COL6A5: variants seen among roughly 807,000 people sequenced by gnomAD.
COL6A5 encodes collagen alpha-5(VI) chain.
In COL6A5, 48 loss-of-function variants were observed where a neutral mutation model predicts 65.6. The ratio of observed to expected loss-of-function variants is 0.73; its 90% CI spans 0.58 to 0.93. The LOEUF is 0.93. COL6A5 is among the 40% of genes least tolerant of loss of function. The pLI, the probability that COL6A5 is intolerant of heterozygous loss-of-function variation, is 0.00. For missense variants in COL6A5, 914 were observed against 928.3 expected (o/e 0.98, Z 0.20); for synonymous variants, 291 against 322.8 (o/e 0.90, Z 1.05).
rs138864214 is a variant in COL6A5 at position 130,406,713 on chromosome 3, G to C, written c.4479+392G>C. On this transcript the variant is annotated intron_variant and NMD_transcript_variant, in intron 17 of 41. Transcript: ENST00000312481. ...CAAGAGAAAGAGACAAAATTATTTTGGTGGCTTTGGTAGCAAATCACTGTG... is the reference window on the plus strand; with the variant it reads ...CAAGAGAAAGAGACAAAATTATTTTCGTGGCTTTGGTAGCAAATCACTGTG... Among the ~76,000 whole-genome samples, 149 of 151,070 alleles carry C rather than the reference G, an allele frequency of 9.9e-4. 1 individual carries two copies. The highest frequency in any genetic ancestry group is 3.6e-3 in the African/African-American group (147 of 41,274).
At chr3:130,376,347 C>T in exon 3 of COL6A5, 1 of 1,613,770 alleles carries the variant, frequency 6.2e-7, no homozygotes, top group Non-Finnish European at 8.5e-7. Flanking sequence ...GATCAACAGT[C>T]TCCCCATAGA....
chr3:130,437,002 T>G (rs1709049896), intron 1 of COL6A5, among the ~76,000 whole-genome samples: 1 of 152,138 alleles, frequency 6.6e-6, no homozygotes, highest in African/African-American at 2.4e-5. Context: ...TGTTTCAAAC[T>G]TAACCACATC....
At chr3:130,416,647 G>A in intron 23 of COL6A5, 110 bp from the exon 24 acceptor site, 1 of 693,944 alleles carries the variant, frequency 1.4e-6, no homozygotes. Context: ...TTTTGTTAAG[G>A]CTGCATCAAG....
At position 130,452,876 on chromosome 3, in the gene COL6A5, A is replaced by G. The variant is rs182157272; in HGVS notation, c.1333-2579A>G. ...ATTTTAGAGGCCCACCCTCAGGGGCACATTCTCTTTCTCAGGGATGTTCCT... is the reference window on the plus strand; with the variant it reads ...ATTTTAGAGGCCCACCCTCAGGGGCGCATTCTCTTTCTCAGGGATGTTCCT... On this transcript the variant is annotated intron_variant, in intron 4 of 7. Transcript: ENST00000512836. 2.6e-3 allele frequency among the ~76,000 whole-genome samples: 399 copies of G among 152,252 alleles called. 3 individuals carry two copies. The highest frequency in any genetic ancestry group is 8.7e-3 in the African/African-American group (361 of 41,570).
intron 5 of COL6A5, among the ~76,000 whole-genome samples, chr3:130,385,993 T>G (rs1936172670): frequency 6.6e-6 from 1 of 152,084 alleles, no homozygotes; most frequent in African/African-American, 2.4e-5. Flanking sequence ...AATTAGAGAT[T>G]AAGTACCAAA....
chr3:130,390,613 C>G (rs561795126), intron 6 of COL6A5, among the ~76,000 whole-genome samples: 2 of 152,234 alleles, frequency 1.3e-5, no homozygotes, highest in African/African-American at 2.4e-5. Flanking sequence ...GGGGCCACTT[C>G]TTTCTGAGTT....
chr3:130,357,912 G>A (rs1297350840), intron 1 of COL6A5, among the ~76,000 whole-genome samples: 3 of 152,080 alleles, frequency 2.0e-5, no homozygotes, highest in Admixed American at 6.5e-5. Flanking sequence ...TTAACTGGCC[G>A]AGCATGGTGG....
At chr3:130,464,851 G>A (rs1709777074) in intron 5 of COL6A5, among the ~76,000 whole-genome samples, 2 of 152,038 alleles carry the variant, frequency 1.3e-5, no homozygotes, top group Admixed American at 6.6e-5. Flanking sequence ...ATAAATGTAT[G>A]TATTGATAAA....
intron 25 of COL6A5, among the ~76,000 whole-genome samples, chr3:130,420,002 G>C (rs1937479468): frequency 6.6e-6 from 1 of 152,070 alleles, no homozygotes. Context: ...ACAATCCATT[G>C]CCTCCATAAA....
chr3:130,370,889 A>G (rs1026034670), intron 1 of COL6A5, among the ~76,000 whole-genome samples: 1 of 152,150 alleles, frequency 6.6e-6, no homozygotes, highest in African/African-American at 2.4e-5. Flanking sequence ...AAAGAATGGG[A>G]GCAGAGCTAA....
intron 1 of COL6A5, among the ~76,000 whole-genome samples, chr3:130,435,949 G>A (rs1458959200): frequency 6.6e-6 from 1 of 152,050 alleles, no homozygotes; most frequent in Non-Finnish European, 1.5e-5. Context: ...TGATTGACCT[G>A]GCCAGAACTT....
At chr3:130,451,378 G>T (rs1056018330) in intron 4 of COL6A5, among the ~76,000 whole-genome samples, 7 of 152,102 alleles carry the variant, frequency 4.6e-5, no homozygotes, top group Non-Finnish European at 8.8e-5. Flanking sequence ...AAGGGGCATT[G>T]GAGGAGCAGA....
Position 130,414,063 on chromosome 3 carries a change from C to A in COL6A5, c.4699-6C>A. Reference sequence around the variant, plus strand: ...ATGCTTGACACTGGAAACTCTTGTTCATCAGGGAGAACCAGGAAATCCTGG... The same window carrying A: ...ATGCTTGACACTGGAAACTCTTGTTAATCAGGGAGAACCAGGAAATCCTGG... On this transcript the variant is annotated splice_polypyrimidine_tract_variant and splice_region_variant and intron_variant and NMD_transcript_variant, in intron 21 of 41. Coordinates refer to the COL6A5 transcript ENST00000312481. 6.5e-7 allele frequency: 1 copy of A among 1,548,622 alleles called. No homozygotes were observed. The highest frequency in any genetic ancestry group is 8.7e-7 in the Non-Finnish European group (1 of 1,144,390).
intron 1 of COL6A5, among the ~76,000 whole-genome samples, chr3:130,362,456 G>T (rs972699362): frequency 2.0e-5 from 3 of 151,370 alleles, no homozygotes; most frequent in Non-Finnish European, 2.9e-5. Flanking sequence ...ATTTGTGCAG[G>T]TCTATTTCTG....
intron 1 of COL6A5, among the ~76,000 whole-genome samples, chr3:130,358,799 C>T (rs1157456504): frequency 6.6e-6 from 1 of 152,112 alleles, no homozygotes; most frequent in Non-Finnish European, 1.5e-5. Context: ...GATATACATT[C>T]GTTTTGACCC....
chr3:130,409,820 A>G (rs1179921908), intron 18 of COL6A5, among the ~76,000 whole-genome samples, 189 bp from the exon 19 acceptor site: 1 of 152,170 alleles, frequency 6.6e-6, no homozygotes, highest in African/African-American at 2.4e-5. Flanking sequence ...ATTTATTGCC[A>G]AATCTTCTTC....
chr3:130,483,364 C>T (rs925619156), intron 7 of COL6A5, among the ~76,000 whole-genome samples: 3 of 152,156 alleles, frequency 2.0e-5, no homozygotes, highest in Non-Finnish European at 2.9e-5. Flanking sequence ...GGATCAAATT[C>T]GCACACAACA....
At chr3:130,399,474 C>G (rs1936732691) in intron 10 of COL6A5, among the ~76,000 whole-genome samples, 1 of 151,414 alleles carries the variant, frequency 6.6e-6, no homozygotes, top group African/African-American at 2.4e-5. Context: ...AGGTTCACAC[C>G]ATTCTCCTGC....
At chr3:130,484,153 A>G in exon 8 of COL6A5, 3 of 1,172,228 alleles carry the variant, frequency 2.6e-6, no homozygotes, top group Middle Eastern at 2.0e-4. Context: ...GGTAAATGAC[A>G]GGGACTTTTC....
Sources: gnomAD v4.1 joint callset for allele counts (sites outside exome capture counted in the v4.1 genomes callset) on GRCh38, gnomAD v4.1.1 for gene constraint, MANE v1.5 for transcripts, NCBI Gene and HGNC (gene_info 2026-07-23, HGNC 2026-07-21) for gene names.